The following EPHA6 variants were observed in gnomAD, a reference collection of about 807,000 sequenced individuals.
EPHA6 encodes ephrin type-A receptor 6.
In EPHA6, 50 loss-of-function variants were observed where a neutral mutation model predicts 112.0. The ratio of observed to expected loss-of-function variants is 0.45; its 90% CI spans 0.36 to 0.56. The LOEUF is 0.56. EPHA6 is among the 20% of genes least tolerant of loss of function. The probability of loss-of-function intolerance (pLI) is 0.00; values close to 1 mark genes in which losing one functional copy is unlikely to be tolerated. For synonymous variants in EPHA6, 529 were observed against 490.7 expected (o/e 1.08, Z -1.03); for missense variants, 1,280 against 1,417.4 (o/e 0.90, Z 1.56).
chr3:97,312,694 T>C (rs1344949799), intron 5 of EPHA6, among the ~76,000 whole-genome samples: 1 of 151,536 alleles, frequency 6.6e-6, no homozygotes, highest in Non-Finnish European at 1.5e-5. Flanking sequence ...TTTAAATAAA[T>C]GGAGTGGGAT....
At chr3:97,466,776 A>G (rs9809538) in intron 7 of EPHA6, among the ~76,000 whole-genome samples, 2,847 of 151,990 alleles carry the variant, frequency 0.019, 101 homozygotes, top group African/African-American at 0.065. Context: ...TTCCTTGCCT[A>G]TCTCTCCAAC....
intron 10 of EPHA6, among the ~76,000 whole-genome samples, chr3:97,486,580 G>C (rs972003161): frequency 4.6e-5 from 7 of 152,158 alleles, no homozygotes; most frequent in Non-Finnish European, 8.8e-5. Context: ...ATGGGTGAGG[G>C]AGAGAAAAAG....
chr3:97,222,143 G>A (rs2078223732), intron 3 of EPHA6, among the ~76,000 whole-genome samples: 1 of 152,100 alleles, frequency 6.6e-6, no homozygotes, highest in East Asian at 1.9e-4. Flanking sequence ...TCTGGCTTGT[G>A]GCAGTTACAT....
At chr3:97,196,462 G>A (rs1182308615) in intron 3 of EPHA6, among the ~76,000 whole-genome samples, 1 of 151,952 alleles carries the variant, frequency 6.6e-6, no homozygotes, top group Admixed American at 6.6e-5. Flanking sequence ...ACATTTCTCT[G>A]TCACTCTGGG....
chr3:97,698,319 T>C (rs2033167440), intron 14 of EPHA6, among the ~76,000 whole-genome samples: 1 of 152,084 alleles, frequency 6.6e-6, no homozygotes, highest in South Asian at 2.1e-4. Context: ...GTTTTCTTCA[T>C]CTACTTACTA....
intron 3 of EPHA6, among the ~76,000 whole-genome samples, chr3:97,133,311 A>C (rs1173539389): frequency 6.6e-6 from 1 of 152,086 alleles, no homozygotes. Flanking sequence ...TTAAGCAACA[A>C]GGTTTTTTAA....
chr3:97,353,140 G>A (rs1204446315), intron 5 of EPHA6, among the ~76,000 whole-genome samples: 1 of 152,010 alleles, frequency 6.6e-6, no homozygotes, highest in Non-Finnish European at 1.5e-5. Flanking sequence ...AACATCAGTG[G>A]TACCAAGGCA....
chr3:97,433,802 A>G (rs2089658357), intron 6 of EPHA6, among the ~76,000 whole-genome samples: 2 of 152,110 alleles, frequency 1.3e-5, no homozygotes. Flanking sequence ...GATCCCCTGC[A>G]GTACCAAACA....
intron 3 of EPHA6, among the ~76,000 whole-genome samples, chr3:97,158,585 C>G (rs7638241): frequency 6.6e-6 from 1 of 151,914 alleles, no homozygotes; most frequent in Non-Finnish European, 1.5e-5. Flanking sequence ...CAAATTTAAA[C>G]GGGAAAGGGT....
chr3:97,188,531 C>T (rs2108472125), intron 3 of EPHA6, among the ~76,000 whole-genome samples: 1 of 151,976 alleles, frequency 6.6e-6, no homozygotes, highest in African/African-American at 2.4e-5. Context: ...TCAACTGTAT[C>T]TTTAAGATTT....
At chr3:97,428,312 T>C (rs952581854) in intron 6 of EPHA6, among the ~76,000 whole-genome samples, 2 of 152,104 alleles carry the variant, frequency 1.3e-5, no homozygotes, top group African/African-American at 4.8e-5. Context: ...AATATCTCTT[T>C]GAAAGAGGGA....
intron 6 of EPHA6, among the ~76,000 whole-genome samples, chr3:97,443,353 A>T (rs987003245): frequency 6.8e-6 from 1 of 146,272 alleles, no homozygotes; most frequent in African/African-American, 2.6e-5. Flanking sequence ...CTTAATTAAG[A>T]CATCGCAAAA....
chr3:97,571,327 G>A (rs149728816), intron 11 of EPHA6, among the ~76,000 whole-genome samples: 1,825 of 150,774 alleles, frequency 0.012, 40 homozygotes, highest in African/African-American at 0.042. Context: ...GTAGAAAAAA[G>A]ACTATAGGGG....
intron 14 of EPHA6, among the ~76,000 whole-genome samples, chr3:97,662,884 T>C (rs967954283): frequency 6.6e-6 from 1 of 152,204 alleles, no homozygotes; most frequent in Non-Finnish European, 1.5e-5. Context: ...CCAATATGCA[T>C]GTACTGCAAC....
chr3:97,466,169 C>G (rs1001439745), intron 7 of EPHA6: 16 of 664,416 alleles, frequency 2.4e-5, no homozygotes, highest in African/African-American at 2.0e-4. Flanking sequence ...CACATTTCCA[C>G]TCCATTTCAC....
intron 5 of EPHA6, among the ~76,000 whole-genome samples, chr3:97,380,064 A>G (rs570455542): frequency 6.6e-6 from 1 of 152,276 alleles, no homozygotes; most frequent in Admixed American, 6.5e-5. Context: ...CAATTCTAGC[A>G]TATTGGTGCT....
intron 6 of EPHA6, among the ~76,000 whole-genome samples, chr3:97,436,471 A>G (rs539260383): frequency 6.6e-6 from 1 of 152,292 alleles, no homozygotes; most frequent in South Asian, 2.1e-4. Context: ...AAATAATTAG[A>G]AATTGTTTTT....
intron 3 of EPHA6, among the ~76,000 whole-genome samples, chr3:97,030,888 G>C (rs933709984): frequency 3.3e-5 from 5 of 152,002 alleles, no homozygotes; most frequent in Non-Finnish European, 5.9e-5. Context: ...GGGTGTGTGT[G>C]TAATTTCTTA....
At chr3:97,308,958 G>C (rs2081435022) in intron 5 of EPHA6, among the ~76,000 whole-genome samples, 1 of 151,548 alleles carries the variant, frequency 6.6e-6, no homozygotes, top group East Asian at 1.9e-4. Flanking sequence ...CTATATAAAA[G>C]TATATCTCAC....
Sources: allele counts gnomAD v4.1 joint callset (sites outside exome capture counted in the v4.1 genomes callset), GRCh38; gene constraint gnomAD v4.1.1; transcripts MANE v1.5; gene names NCBI Gene and HGNC (gene_info 2026-07-23, HGNC 2026-07-21).